Variants in WNT3A observed in about 807,000 individuals in gnomAD.
WNT3A encodes protein Wnt-3a.
A neutral mutation model predicts 37.0 loss-of-function variants in WNT3A; 17 were observed. The ratio of observed to expected loss-of-function variants is 0.46; its 90% confidence interval spans 0.31 to 0.69. The LOEUF is 0.69. Ranked by LOEUF, WNT3A falls within the 30% of genes least tolerant of loss-of-function variation. WNT3A has a pLI of 0.05. For synonymous variants in WNT3A, 187 were observed against 211.0 expected (o/e 0.89, Z 0.99); for missense variants, 411 against 510.2 (o/e 0.81, Z 1.87).
At position 228,031,194 on chromosome 1, in the gene WNT3A, G is replaced by A. The variant is rs2030994222; in HGVS notation, c.313+8286G>A. On this transcript the variant is annotated intron_variant, in intron 2 of 3. Coordinates refer to ENST00000284523, the MANE Select transcript of WNT3A (RefSeq NM_033131.4). The surrounding 1 kb of genome is among the most constrained non-coding windows in gnomAD (Gnocchi z 4.8). ...GCTCAGAGTCCGGGCACTGGTCACT[G>A]TGGGTCTGGGATGAGGAGGACGTCC... Among the ~76,000 whole-genome samples the A allele has an allele frequency of 6.6e-6, 1 of 152,358 alleles. No individual in the cohort carries two copies. The highest frequency in any genetic ancestry group is 2.1e-4 in the South Asian group (1 of 4,828).
At chr1:228,043,003 G>A (rs1017702794) in intron 2 of WNT3A, among the ~76,000 whole-genome samples, 4 of 150,134 alleles carry the variant, frequency 2.7e-5, no homozygotes, top group African/African-American at 1.0e-4. Context: ...ATGTATGATA[G>A]GTAATGGATA....
rs540116190 is a variant in WNT3A at position 228,046,552 on chromosome 1, T to G, written c.314-4104T>G. ...TGTGTTGTGTGGTGTGTGTGTGTAT[T>G]TGTGTGTGTGCATGTGCATGGGGTG... On this transcript the variant is annotated intron_variant, in intron 2 of 3. Coordinates refer to ENST00000284523, the MANE Select transcript of WNT3A (RefSeq NM_033131.4). 8.2e-3 allele frequency among the ~76,000 whole-genome samples: 1,231 copies of G among 149,470 alleles called. 19 individuals carry two copies. The highest frequency in any genetic ancestry group is 0.028 in the African/African-American group (1,153 of 40,574).
At position 228,008,162 on chromosome 1, in the gene WNT3A, C is replaced by T. The variant is rs2030258082; in HGVS notation, c.71+963C>T. ...ACCCCAGTTCCGAATTAAGGGCGCT[C>T]TGAGATGCCCAAGATTGAGGAACAC... is the stretch of plus-strand genomic sequence containing the variant. On this transcript the variant is annotated intron_variant, in intron 1 of 3. Coordinates refer to ENST00000284523, the MANE Select transcript of WNT3A (RefSeq NM_033131.4). The surrounding 1 kb of genome is among the most constrained non-coding windows in gnomAD (Gnocchi z 4.9). Among the ~76,000 whole-genome samples, 1 of 152,188 alleles carries T rather than the reference C, an allele frequency of 6.6e-6. No individual in the cohort carries two copies.
intron 2 of WNT3A, among the ~76,000 whole-genome samples, chr1:228,047,635 G>A (rs560908557): frequency 4.6e-5 from 7 of 152,148 alleles, no homozygotes; most frequent in Non-Finnish European, 1.0e-4. Context: ...AACACTTGAG[G>A]CTGGTAATTT....
At chr1:228,017,073 C>T (rs1318536864) in intron 1 of WNT3A, among the ~76,000 whole-genome samples, 4 of 152,372 alleles carry the variant, frequency 2.6e-5, no homozygotes, top group Admixed American at 6.5e-5. Flanking sequence ...GCAGTGGCCC[C>T]TGGAGGCCAA....
intron 3 of WNT3A, among the ~76,000 whole-genome samples, chr1:228,052,036 G>A (rs533092406): frequency 2.6e-5 from 4 of 152,268 alleles, no homozygotes; most frequent in African/African-American, 9.6e-5. Context: ...GAAATTTGGA[G>A]GGAACACAGA....
intron 3 of WNT3A, among the ~76,000 whole-genome samples, chr1:228,056,220 G>A (rs923601887): frequency 1.5e-4 from 23 of 152,158 alleles, no homozygotes; most frequent in Admixed American, 9.8e-4. Flanking sequence ...TTTTAAATAC[G>A]AGCAGACAGC....
Position 228,052,578 on chromosome 1 carries a change from G to A in WNT3A, c.579+1657G>A, listed in dbSNP as rs114021067. On this transcript the variant is annotated intron_variant, in intron 3 of 3. Transcript: ENST00000284523. ...AGATGGCTGATGGGCAGTGACGGGC[G>A]TAAGGACCAAGTGGCGTCCACGGGA... 2.5e-3 allele frequency among the ~76,000 whole-genome samples: 376 copies of A among 152,318 alleles called. 4 individuals are homozygous for A. Among genetic ancestry groups the A allele is most frequent in the African/African-American group, 8.5e-3 (353 of 41,566 alleles).
Position 228,059,120 on chromosome 1 carries a change from C to T in WNT3A, c.714C>T (p.Ala238=). ...TCCTCAAGGACAAGTACGACAGCGC[C>T]TCGGAGATGGTGGTGGAGAAGCACC... is the stretch of plus-strand genomic sequence containing the variant. ...GDFLKDKYDS[A]SEMVVEKHRE... Residue 238 remains alanine (A), a synonymous_variant, in exon 4 of 4, where the codon GCC becomes GCT. Transcript: ENST00000284523. 6.2e-7 allele frequency: 1 copy of T among 1,613,764 alleles called. No individual in the cohort carries two copies. The highest frequency in any genetic ancestry group is 8.5e-7 in the Non-Finnish European group (1 of 1,179,998).
chr1:228,054,082 C>T (rs1235524590), intron 3 of WNT3A, among the ~76,000 whole-genome samples: 1 of 152,118 alleles, frequency 6.6e-6, no homozygotes, highest in Non-Finnish European at 1.5e-5. Context: ...AGGGGCCCAC[C>T]AAGGGTGCCA....
chr1:228,015,078 G>A (rs2030486354), intron 1 of WNT3A, among the ~76,000 whole-genome samples: 2 of 152,272 alleles, frequency 1.3e-5, no homozygotes, highest in Non-Finnish European at 2.9e-5. Flanking sequence ...AGACAAGTCT[G>A]TGATCTTATC....
intron 2 of WNT3A, among the ~76,000 whole-genome samples, chr1:228,030,350 C>T (rs1571801942): frequency 6.7e-6 from 1 of 150,006 alleles, no homozygotes; most frequent in Non-Finnish European, 1.5e-5. Flanking sequence ...GAGCCGAGAT[C>T]GCTTCACTGT....
chr1:228,019,219 G>T (rs117182328), intron 1 of WNT3A, among the ~76,000 whole-genome samples: 1 of 152,186 alleles, frequency 6.6e-6, no homozygotes, highest in Non-Finnish European at 1.5e-5. Flanking sequence ...GGACAAGGCC[G>T]CCCCTCCCAG....
intron 1 of WNT3A, among the ~76,000 whole-genome samples, chr1:228,011,168 G>T (rs1014680447): frequency 9.2e-5 from 14 of 152,254 alleles, no homozygotes; most frequent in African/African-American, 3.1e-4. Context: ...GAGAGAAGGA[G>T]CTCGGCTGGA....
chr1:228,048,343 C>T (rs985536199), intron 2 of WNT3A, among the ~76,000 whole-genome samples: 17 of 152,170 alleles, frequency 1.1e-4, no homozygotes, highest in South Asian at 2.1e-4. Context: ...GGAACCTGCC[C>T]CAGGGCACAC....
intron 2 of WNT3A, among the ~76,000 whole-genome samples, chr1:228,029,477 C>G (rs961533181): frequency 2.0e-5 from 3 of 152,056 alleles, no homozygotes; most frequent in African/African-American, 7.2e-5. Flanking sequence ...ACCATGGTGC[C>G]GAAGGAAGGC....
In WNT3A at chr1:228,007,073, C is replaced by G. The variant is rs1174966020; in HGVS notation, c.-56C>G. 46 of 1,405,788 alleles carry G rather than the reference C, an allele frequency of 3.3e-5. No homozygotes were observed. The highest frequency in any genetic ancestry group is 3.8e-5 in the Non-Finnish European group (40 of 1,057,780). 87.1% of individuals were successfully genotyped at this position (1,405,788 alleles called of 1,614,324 possible). On this transcript the variant is annotated 5_prime_UTR_variant, in exon 1 of 4. Transcript: ENST00000284523. The surrounding 1 kb of genome is among the most constrained non-coding windows in gnomAD (Gnocchi z 6.0). Reference sequence around the variant, plus strand: ...GCCAGCTCCCAGGGCCCGGCCCCCCCCGGCGCTCACGCTCTCGGGGCGGAC... The same window carrying G: ...GCCAGCTCCCAGGGCCCGGCCCCCCGCGGCGCTCACGCTCTCGGGGCGGAC...
rs1203330974 is a variant in WNT3A, at chr1:228,042,557, G to C, written c.314-8099G>C. ...ATGTACAGATGATGAAGGGGATGAT[G>C]GATGGATGATGGTTGAATGGTGGAT... On this transcript the variant is annotated intron_variant, in intron 2 of 3. Transcript: ENST00000284523. This position sits in a 1 kb window ranked among gnomAD's most constrained non-coding sequence, Gnocchi z 5.2. 6.6e-6 allele frequency among the ~76,000 whole-genome samples: 1 copy of C among 152,116 alleles called. No individual in the cohort carries two copies. Among genetic ancestry groups the C allele is most frequent in the Non-Finnish European group, 1.5e-5 (1 of 68,022 alleles).
Position 228,030,121 on chromosome 1 carries a change from G to A in WNT3A, c.313+7213G>A, listed in dbSNP as rs563809972. On this transcript the variant is annotated intron_variant, in intron 2 of 3. Coordinates refer to ENST00000284523, the MANE Select transcript of WNT3A (RefSeq NM_033131.4). ...AAAAATAAAAATAAATAGGCCAGGC[G>A]TGGTGGCTCACGCCTGAAATCCCAG... Among the ~76,000 whole-genome samples the A allele has an allele frequency of 2.6e-5, 4 of 151,956 alleles. No homozygotes were observed. In the South Asian group the frequency reaches 6.2e-4, roughly 24 times the overall value.
Sources: gnomAD v4.1 joint callset for allele counts (sites outside exome capture counted in the v4.1 genomes callset) on GRCh38, gnomAD v4.1.1 for gene constraint, Gnocchi (gnomAD v3.1) non-coding constraint, MANE v1.5 for transcripts, NCBI Gene and HGNC (gene_info 2026-07-23, HGNC 2026-07-21) for gene names.